The following CADPS2 variants were observed in gnomAD, a reference collection of about 807,000 sequenced individuals.
CADPS2 encodes the protein calcium dependent secretion activator 2.
In CADPS2, 93 loss-of-function variants were observed where a neutral mutation model predicts 172.5. That is an observed-to-expected ratio of 0.54 (90% CI 0.46 to 0.64). CADPS2 has a LOEUF of 0.64. Ranked by LOEUF, CADPS2 falls within the 30% of genes least tolerant of loss-of-function variation. The pLI, the probability that CADPS2 is intolerant of heterozygous loss-of-function variation, is 0.00. For synonymous variants in CADPS2, 546 were observed against 555.2 expected (o/e 0.98, Z 0.23); for missense variants, 1,420 against 1,565.9 (o/e 0.91, Z 1.57).
chr7:122,629,203 G>A, intron 4 of CADPS2, 45 bp downstream of exon 4: 9 of 1,435,036 alleles, frequency 6.3e-6, no homozygotes, highest in Non-Finnish European at 8.6e-6. Flanking sequence ...AGAAATCTAG[G>A]TAAAGAAAGG....
Position 122,609,383 on chromosome 7 carries a change from T to C in CADPS2, c.1223+5798A>G, listed in dbSNP as rs561248994. Among the ~76,000 whole-genome samples the C allele has an allele frequency of 7.9e-5, 12 of 152,178 alleles. No individual in the cohort carries two copies. In the East Asian group the frequency reaches 1.6e-3, roughly 20 times the overall value. On this transcript the variant is annotated intron_variant, in intron 6 of 29. Coordinates refer to ENST00000449022, the MANE Select transcript of CADPS2 (RefSeq NM_017954.11). ...AATGAAATGTCTGGAAAGGGTAAAA[T>C]GCTATAAAAGTGTAGAAACAATTCC...
At chr7:122,718,792 CT>C (rs1298311155) in intron 2 of CADPS2, among the ~76,000 whole-genome samples, 1 of 152,116 alleles carries the variant, frequency 6.6e-6, no homozygotes, top group Non-Finnish European at 1.5e-5. Flanking sequence ...GCTCAAGACT[CT>C]AATCATAAGC....
intron 28 of CADPS2, among the ~76,000 whole-genome samples, chr7:122,333,535 G>T (rs2035351664): frequency 6.6e-6 from 1 of 152,178 alleles, no homozygotes; most frequent in South Asian, 2.1e-4. Context: ...CTCTGGGCAT[G>T]CCCATTCCTC....
chr7:122,724,752 T>C (rs2090901955), intron 2 of CADPS2, among the ~76,000 whole-genome samples: 2 of 151,860 alleles, frequency 1.3e-5, no homozygotes, highest in South Asian at 4.1e-4. Flanking sequence ...TTTTTTCCCA[T>C]GTGTTTAAAT....
At chr7:122,362,074 G>C (rs1193778198) in intron 25 of CADPS2, among the ~76,000 whole-genome samples, 4 of 151,288 alleles carry the variant, frequency 2.6e-5, no homozygotes, top group South Asian at 2.1e-4. Context: ...CCTTAAAAAA[G>C]AAAAACAAAA....
At chr7:122,659,827 C>T (rs2080314822) in intron 3 of CADPS2, among the ~76,000 whole-genome samples, 1 of 151,738 alleles carries the variant, frequency 6.6e-6, no homozygotes, top group Non-Finnish European at 1.5e-5. Context: ...AGAAATCATG[C>T]AAACAAAAAG....
chr7:122,600,454 G>A (rs1265149623), intron 6 of CADPS2, among the ~76,000 whole-genome samples: 1 of 151,960 alleles, frequency 6.6e-6, no homozygotes, highest in Admixed American at 6.6e-5. Context: ...TGATTATAGG[G>A]GAAACAAGTT....
chr7:122,792,817 T>A (rs954797621), intron 1 of CADPS2, among the ~76,000 whole-genome samples: 1 of 152,182 alleles, frequency 6.6e-6, no homozygotes, highest in Admixed American at 6.5e-5. Context: ...CAGCAAAGCA[T>A]CTGGTCTCTC....
chr7:122,541,825 ATATATTCATATGTT>A (rs2063082440), intron 8 of CADPS2, among the ~76,000 whole-genome samples: 1 of 117,292 alleles, frequency 8.5e-6, no homozygotes. Flanking sequence ...TCATATGTTT[ATATATTCATATGTT>A]TATATATTCA....
intron 1 of CADPS2, among the ~76,000 whole-genome samples, chr7:122,781,032 C>T (rs1792566501): frequency 2.6e-5 from 4 of 152,140 alleles, no homozygotes; most frequent in Admixed American, 2.6e-4. Context: ...TGTAGAAAAT[C>T]ATATATAAGA....
intron 25 of CADPS2, among the ~76,000 whole-genome samples, chr7:122,362,663 G>C (rs1362545356): frequency 6.6e-6 from 1 of 152,112 alleles, no homozygotes; most frequent in East Asian, 1.9e-4. Context: ...TTCCCAAAGG[G>C]AAAATGCTGA....
intron 25 of CADPS2, among the ~76,000 whole-genome samples, chr7:122,374,673 C>T (rs376603909): frequency 4.5e-4 from 69 of 151,978 alleles, no homozygotes; most frequent in Non-Finnish European, 6.5e-4. Flanking sequence ...GGGAGTTGAA[C>T]GAGAAAACAT....
chr7:122,842,811 G>C (rs1380221484), intron 1 of CADPS2, among the ~76,000 whole-genome samples: 5 of 152,024 alleles, frequency 3.3e-5, no homozygotes, highest in Admixed American at 3.3e-4. Context: ...AAGAAGACAA[G>C]AAAGGAAAAG....
intron 14 of CADPS2, 72 bp downstream of exon 14, chr7:122,471,303 G>T (rs1414232982): frequency 9.6e-6 from 11 of 1,147,306 alleles, no homozygotes; most frequent in Non-Finnish European, 1.3e-5. Flanking sequence ...GGTGATAATC[G>T]CAAAGCACAT....
chr7:122,338,143 T>C (rs185352398), intron 28 of CADPS2, among the ~76,000 whole-genome samples: 1 of 152,304 alleles, frequency 6.6e-6, no homozygotes, highest in East Asian at 1.9e-4. Flanking sequence ...ATGCCTGTAA[T>C]CCCAGCATTT....
rs879245299 is a variant in CADPS2 at position 122,737,124 on chromosome 7, G to A, written c.340-56C>T. ...ATTGGCCAGTACATGAAAAAATAAT[G>A]ACTATTAAAAATCATATTTGCTGTA... On this transcript the variant is annotated intron_variant, in intron 1 of 29. Transcript: ENST00000449022. The A allele has an allele frequency of 3.5e-6, 3 of 856,974 alleles. No individual in the cohort carries two copies. The South Asian group carries it at 4.3e-5, about 12-fold the overall frequency. 53.1% of individuals were successfully genotyped at this position (856,974 alleles called of 1,614,324 possible).
At chr7:122,593,288 T>C (rs2071188743) in intron 6 of CADPS2, among the ~76,000 whole-genome samples, 1 of 151,952 alleles carries the variant, frequency 6.6e-6, no homozygotes, top group South Asian at 2.1e-4. Flanking sequence ...TTCTACATAG[T>C]TTCACATAAA....
At chr7:122,806,385 C>A (rs552480817) in intron 1 of CADPS2, among the ~76,000 whole-genome samples, 2 of 152,056 alleles carry the variant, frequency 1.3e-5, no homozygotes, top group Admixed American at 1.3e-4. Flanking sequence ...ACAAATCTAA[C>A]GAAATGTGAT....
intron 6 of CADPS2, among the ~76,000 whole-genome samples, chr7:122,604,180 G>T (rs1219475081): frequency 6.6e-6 from 1 of 151,904 alleles, no homozygotes. Context: ...TTCAAAACAT[G>T]AACTTATTTA....
Sources: gnomAD v4.1 joint callset for allele counts (sites outside exome capture counted in the v4.1 genomes callset) on GRCh38, gnomAD v4.1.1 for gene constraint, MANE v1.5 for transcripts, NCBI Gene and HGNC (gene_info 2026-07-23, HGNC 2026-07-21) for gene names.